SHISAL1: variants seen among roughly 807,000 people sequenced by gnomAD.
SHISAL1 encodes the protein shisa like 1, also known as protein shisa-like-1.
A neutral mutation model predicts 22.6 loss-of-function variants in SHISAL1; 9 were observed. That is an observed-to-expected ratio of 0.40 (90% CI 0.24 to 0.70). SHISAL1 has a LOEUF of 0.70. Among genes scored for constraint, SHISAL1 ranks in the 30% least tolerant of loss-of-function variants. SHISAL1 has a pLI of 0.39. For synonymous variants in SHISAL1, 119 were observed against 115.4 expected, an observed-to-expected ratio of 1.03 and a Z score of -0.20; for missense variants, 246 against 270.6, an observed-to-expected ratio of 0.91 and a Z score of 0.64.
chr22:44,281,192 C>A (rs2055274001), intron 4 of SHISAL1, among the ~76,000 whole-genome samples: 1 of 152,162 alleles, frequency 6.6e-6, no homozygotes, highest in Non-Finnish European at 1.5e-5. Context: ...AGACCCTGTC[C>A]CAGACCCCTA....
At chr22:44,254,778 C>T (rs1211154512) in intron 4 of SHISAL1, among the ~76,000 whole-genome samples, 1 of 128,616 alleles carries the variant, frequency 7.8e-6, no homozygotes, top group Non-Finnish European at 1.7e-5. Context: ...TCTAATGAAG[C>T]AGGAGATATA....
intron 4 of SHISAL1, among the ~76,000 whole-genome samples, chr22:44,270,985 G>A (rs1176207552): frequency 6.6e-6 from 1 of 152,164 alleles, no homozygotes; most frequent in Non-Finnish European, 1.5e-5. Context: ...GGTGAAGGAG[G>A]CACACTTAGC....
intron 4 of SHISAL1, among the ~76,000 whole-genome samples, chr22:44,279,290 C>T (rs946320213): frequency 1.3e-5 from 2 of 152,214 alleles, no homozygotes; most frequent in Non-Finnish European, 2.9e-5. Flanking sequence ...GCTGGAACCC[C>T]CAAGGAGCTG....
At chr22:44,269,372 C>T (rs2055189193) in intron 4 of SHISAL1, among the ~76,000 whole-genome samples, 1 of 150,242 alleles carries the variant, frequency 6.7e-6, no homozygotes, top group African/African-American at 2.5e-5. Context: ...AGTACATATG[C>T]ACACACACCA....
intron 1 of SHISAL1, 90 bp from the exon 2 acceptor site, chr22:44,301,067 A>C: frequency 1.2e-6 from 1 of 810,688 alleles, no homozygotes; most frequent in Non-Finnish European, 2.0e-6. Context: ...GCAGGCGGGC[A>C]GCGGGCAGGA....
At chr22:44,316,902 A>G (rs117517455), upstream of SHISAL1, among the ~76,000 whole-genome samples, 1,196 of 152,320 alleles carry the variant, frequency 7.9e-3, 50 homozygotes, top group East Asian at 0.11. Context: ...CTAGAGAGTT[A>G]TAACAAACCA....
intron 4 of SHISAL1, among the ~76,000 whole-genome samples, chr22:44,274,516 A>C (rs1020491019): frequency 5.3e-5 from 8 of 152,304 alleles, no homozygotes; most frequent in African/African-American, 1.9e-4. Context: ...TCCTGCCCCC[A>C]GGAGAGCTGG....
chr22:44,275,199 T>C (rs1455267389), intron 4 of SHISAL1, among the ~76,000 whole-genome samples: 1 of 151,942 alleles, frequency 6.6e-6, no homozygotes, highest in Admixed American at 6.6e-5. Flanking sequence ...AGCTGCCAGG[T>C]GGAAGAGAAG....
chr22:44,298,165 G>A (rs78913201), intron 2 of SHISAL1, among the ~76,000 whole-genome samples: 2,279 of 152,304 alleles, frequency 0.015, 62 homozygotes, highest in African/African-American at 0.052. Context: ...AGCTCTCCAG[G>A]CCCCCTTCTC....
intron 4 of SHISAL1, among the ~76,000 whole-genome samples, chr22:44,284,889 G>GCCTGCCTGCCTGCCTGCCTTCCTT (rs1569217634): frequency 1.3e-5 from 1 of 75,816 alleles, no homozygotes; most frequent in African/African-American, 6.2e-5. Flanking sequence ...CCACCTCTCT[G>GCCTGCCTGCCTGCCTGCCTTCCTT]CCTTCCTGCC....
the SHISAL1 span, among the ~76,000 whole-genome samples, chr22:44,321,589 A>C: frequency 3.9e-5 from 6 of 152,162 alleles, no homozygotes; most frequent in African/African-American, 1.4e-4. Context: ...GTCCCTGCAG[A>C]CTGTGAGCCT....
intron 1 of SHISAL1, among the ~76,000 whole-genome samples, chr22:44,307,354 G>T (rs7510953): frequency 0.69 from 105,110 of 151,952 alleles, 36,669 homozygotes; most frequent in East Asian, 0.93. Context: ...CTCAGAAGGG[G>T]GAAGCTGAGA....
At chr22:44,331,072 C>T in the SHISAL1 span, among the ~76,000 whole-genome samples, 1 of 152,118 alleles carries the variant, frequency 6.6e-6, no homozygotes. This position sits in a 1 kb window ranked among gnomAD's most constrained non-coding sequence, Gnocchi z 5.2. Context: ...CCCTTGGACG[C>T]GGATTCCGGT....
At chr22:44,299,488 AAGCATCTGGGGTGGGG>A (rs1375326210) in intron 2 of SHISAL1, among the ~76,000 whole-genome samples, 3 of 152,190 alleles carry the variant, frequency 2.0e-5, no homozygotes, top group African/African-American at 7.2e-5. Context: ...AAAGCATGGG[AAGCATCTGGGGTGGGG>A]AGAGCAGCTG....
intron 4 of SHISAL1, among the ~76,000 whole-genome samples, chr22:44,250,215 G>A (rs1165112772): frequency 6.6e-6 from 1 of 152,174 alleles, no homozygotes; most frequent in East Asian, 1.9e-4. Context: ...TGATTTGGCT[G>A]ATAAATTATA....
intron 4 of SHISAL1, among the ~76,000 whole-genome samples, chr22:44,279,076 T>C (rs941263235): frequency 6.6e-6 from 1 of 152,162 alleles, no homozygotes; most frequent in Non-Finnish European, 1.5e-5. Flanking sequence ...GTTCTGAGCC[T>C]TTCTGTCACC....
chr22:44,270,581 A>G (rs1303460193), intron 4 of SHISAL1, among the ~76,000 whole-genome samples: 1 of 152,104 alleles, frequency 6.6e-6, no homozygotes, highest in Non-Finnish European at 1.5e-5. Flanking sequence ...CCGGGCAGGG[A>G]GGCATCAGGG....
At chr22:44,288,408 C>A (rs8136536) in intron 3 of SHISAL1, among the ~76,000 whole-genome samples, 6 of 151,914 alleles carry the variant, frequency 3.9e-5, no homozygotes, top group East Asian at 1.9e-4. Flanking sequence ...AGGCCGAGGC[C>A]GGTGGATCAC....
At chr22:44,280,024 G>A (rs1182447778) in intron 4 of SHISAL1, among the ~76,000 whole-genome samples, 1 of 152,150 alleles carries the variant, frequency 6.6e-6, no homozygotes, top group Non-Finnish European at 1.5e-5. Context: ...GAGGGCTTGG[G>A]GGCTGGGAGG....
Sources: allele counts gnomAD v4.1 joint callset (sites outside exome capture counted in the v4.1 genomes callset), GRCh38; gene constraint gnomAD v4.1.1; non-coding constraint Gnocchi (gnomAD v3.1); transcripts MANE v1.5; gene names NCBI Gene and HGNC (gene_info 2026-07-23, HGNC 2026-07-21).